Variants in WDR41 observed in about 807,000 individuals in gnomAD.
The protein encoded by WDR41 is WD repeat domain 41.
WDR41 carries 63 observed loss-of-function variants against 69.3 expected under a neutral mutation model. The ratio of observed to expected loss-of-function variants is 0.91; its 90% CI spans 0.74 to 1.12. The LOEUF (loss-of-function observed/expected upper bound fraction) is 1.12. Among genes scored for constraint, WDR41 ranks in the 50% most tolerant of loss-of-function variants. The pLI is 0.00. For synonymous variants in WDR41, 185 were observed against 192.1 expected (o/e 0.96, Z 0.31); for missense variants, 543 against 534.5 (o/e 1.02, Z -0.16).
intron 1 of WDR41, among the ~76,000 whole-genome samples, chr5:77,529,386 A>G (rs1802491621): frequency 6.6e-6 from 1 of 151,598 alleles, no homozygotes; most frequent in Admixed American, 6.6e-5. Flanking sequence ...GTTTAAATAA[A>G]TGGAGAGATA....
At chr5:77,504,631 T>A (rs1802077469) in intron 1 of WDR41, among the ~76,000 whole-genome samples, 1 of 152,108 alleles carries the variant, frequency 6.6e-6, no homozygotes, top group Admixed American at 6.6e-5. Flanking sequence ...CTCAATAAAA[T>A]ACTGGCAAAC....
intron 1 of WDR41, among the ~76,000 whole-genome samples, chr5:77,564,471 C>T (rs1328252604): frequency 6.6e-6 from 1 of 152,110 alleles, no homozygotes; most frequent in Non-Finnish European, 1.5e-5. Flanking sequence ...TCATGGACAG[C>T]GTTCAGATGA....
chr5:77,523,174 C>T lies in WDR41; in HGVS notation c.43-33602G>A, dbSNP rs573334437. ...ACTAAAAATACAAAAATTAGCTTGG[C>T]GTGATGGTGCACGCCTGTAATCCCA... On this transcript the variant is annotated intron_variant, in intron 1 of 5. Coordinates refer to the WDR41 transcript ENST00000509971. Among the ~76,000 whole-genome samples, 166 of 151,806 alleles carry T rather than the reference C, an allele frequency of 1.1e-3. 1 individual carries two copies. The highest frequency in any genetic ancestry group is 3.8e-3 in the African/African-American group (158 of 41,406).
At chr5:77,473,962 G>C (rs1385011077) in intron 2 of WDR41, among the ~76,000 whole-genome samples, 2 of 152,154 alleles carry the variant, frequency 1.3e-5, no homozygotes, top group Non-Finnish European at 2.9e-5. Flanking sequence ...TATAAATCAT[G>C]CTGCTATAAA....
intron 1 of WDR41, among the ~76,000 whole-genome samples, chr5:77,618,709 C>T (rs1472214401): frequency 6.6e-6 from 1 of 152,068 alleles, no homozygotes; most frequent in Non-Finnish European, 1.5e-5. Context: ...AACTTTAGTG[C>T]CTGTGACCAT....
rs558755280 is a variant in WDR41 at position 77,553,112 on chromosome 5, CT to C, written c.43-63541del. Among the ~76,000 whole-genome samples the C allele has an allele frequency of 1.5e-3, 232 of 152,336 alleles. 3 individuals are homozygous for C. Among genetic ancestry groups the C allele is most frequent in the African/African-American group, 5.4e-3 (223 of 41,588 alleles). On this transcript the variant is annotated intron_variant, in intron 1 of 5. Transcript: ENST00000509971. ...AGAGGATGAAAAGGAAAACTACACA[CT>C]CAGGAGAAAATATTTGCAAGTCATA...
chr5:77,551,226 T>A (rs984475974), intron 1 of WDR41, among the ~76,000 whole-genome samples: 1 of 152,098 alleles, frequency 6.6e-6, no homozygotes. Flanking sequence ...AATTATAAAA[T>A]AAAATTTCAG....
intron 1 of WDR41, among the ~76,000 whole-genome samples, chr5:77,552,857 G>A (rs1319349664): frequency 6.6e-6 from 1 of 152,176 alleles, no homozygotes; most frequent in Admixed American, 6.5e-5. Flanking sequence ...AAAAACCCTA[G>A]ATCTAAATTT....
intron 1 of WDR41, chr5:77,491,885 A>C: frequency 2.1e-6 from 1 of 481,784 alleles, no homozygotes; most frequent in East Asian, 3.6e-5. Flanking sequence ...AGGACTGCTG[A>C]CCAGCTGAGC....
chr5:77,536,916 A>C (rs191354338), intron 1 of WDR41, among the ~76,000 whole-genome samples: 2 of 152,330 alleles, frequency 1.3e-5, no homozygotes, highest in Non-Finnish European at 2.9e-5. Context: ...AAAAGAGAAA[A>C]GGCACTGGAT....
At chr5:77,450,109 G>A (rs934163977) in intron 7 of WDR41, among the ~76,000 whole-genome samples, 1 of 152,098 alleles carries the variant, frequency 6.6e-6, no homozygotes, top group African/African-American at 2.4e-5. Flanking sequence ...TTCCTTTACT[G>A]ACTTTTCCAA....
intron 1 of WDR41, among the ~76,000 whole-genome samples, chr5:77,581,909 ATAACCTAACC>A: frequency 6.6e-6 from 1 of 152,314 alleles, no homozygotes; most frequent in East Asian, 1.9e-4. Context: ...TCTCAAATCA[ATAACCTAACC>A]TAACACCTTA....
At chr5:77,568,575 A>G (rs1042917082) in intron 1 of WDR41, among the ~76,000 whole-genome samples, 2 of 152,178 alleles carry the variant, frequency 1.3e-5, no homozygotes, top group Admixed American at 1.3e-4. Context: ...CGCACAGGTA[A>G]TATGATTTGG....
rs959301679 is a variant in WDR41, at chr5:77,433,030, CAAAAA to C, written c.*100_*104del. ...AAACATGTAGAATTTTATGGACTGA[CAAAAA>C]AAATTACCAATTTAAGTGATCAATA... On this transcript the variant is annotated 3_prime_UTR_variant, in exon 13 of 13. Coordinates refer to ENST00000296679, the MANE Select transcript of WDR41 (RefSeq NM_018268.4). The C allele has an allele frequency of 7.6e-7, 1 of 1,309,510 alleles. No individual in the cohort carries two copies. Among genetic ancestry groups the C allele is most frequent in the Non-Finnish European group, 1.0e-6 (1 of 981,438 alleles). 81.1% of individuals were successfully genotyped at this position (1,309,510 alleles called of 1,614,324 possible).
intron 2 of WDR41, among the ~76,000 whole-genome samples, chr5:77,475,152 A>G (rs2112014483): frequency 6.6e-6 from 1 of 152,290 alleles, no homozygotes; most frequent in Non-Finnish European, 1.5e-5. Context: ...CCTGCACCTC[A>G]CTTGGAGGGT....
intron 2 of WDR41, among the ~76,000 whole-genome samples, chr5:77,469,324 C>T (rs988588656): frequency 3.9e-5 from 6 of 152,106 alleles, no homozygotes; most frequent in South Asian, 2.1e-4. Flanking sequence ...CACACCAACA[C>T]GGCACATGTA....
At chr5:77,504,861 G>A (rs1282212484) in intron 1 of WDR41, among the ~76,000 whole-genome samples, 3 of 152,212 alleles carry the variant, frequency 2.0e-5, no homozygotes, top group African/African-American at 7.2e-5. Context: ...ACTAGGTATC[G>A]ATGGAACGTA....
intron 5 of WDR41, among the ~76,000 whole-genome samples, chr5:77,456,528 GAC>G (rs1040171788): frequency 2.9e-4 from 44 of 152,264 alleles, no homozygotes; most frequent in African/African-American, 1.0e-3. Context: ...TGGGAATAGA[GAC>G]AGTTTTATGT....
At chr5:77,579,344 G>A (rs541358181) in intron 1 of WDR41, among the ~76,000 whole-genome samples, 1 of 152,140 alleles carries the variant, frequency 6.6e-6, no homozygotes, top group Non-Finnish European at 1.5e-5. Flanking sequence ...TCTGTAAATA[G>A]ACACATCACA....
Sources: allele counts gnomAD v4.1 joint callset (sites outside exome capture counted in the v4.1 genomes callset), GRCh38; gene constraint gnomAD v4.1.1; transcripts MANE v1.5; gene names NCBI Gene and HGNC (gene_info 2026-07-23, HGNC 2026-07-21).